The following NECAB2 variants were observed in gnomAD, a reference collection of about 807,000 sequenced individuals.
NECAB2 encodes N-terminal EF-hand calcium binding protein 2.
Under a neutral mutation model 51.9 loss-of-function variants are expected in NECAB2, and 68 were observed. That is an observed-to-expected ratio of 1.31 (90% CI 1.08 to 1.60). The LOEUF (loss-of-function observed/expected upper bound fraction) is 1.60. NECAB2 is among the 40% of genes most tolerant of loss of function. NECAB2 has a pLI of 0.00. For synonymous variants in NECAB2, 329 were observed against 203.5 expected, an observed-to-expected ratio of 1.62 and a Z score of -5.25; for missense variants, 854 against 490.3, an observed-to-expected ratio of 1.74 and a Z score of -7.00.
At chr16:83,991,823 T>TTC (rs1206667091) in intron 6 of NECAB2, among the ~76,000 whole-genome samples, 2 of 150,168 alleles carry the variant, frequency 1.3e-5, no homozygotes, top group African/African-American at 4.9e-5. Context: ...GCTATTTTTT[T>TTC]TTTTTTTTTT....
At chr16:84,001,653 G>T (rs1340252930) in intron 11 of NECAB2, among the ~76,000 whole-genome samples, 172 bp from the exon 12 acceptor site, 1 of 149,544 alleles carries the variant, frequency 6.7e-6, no homozygotes, top group East Asian at 1.9e-4. Flanking sequence ...GCCCACCCCA[G>T]AGTCAGCCTC....
intron 1 of NECAB2, chr16:83,971,685 G>A: frequency 5.6e-6 from 1 of 180,160 alleles, no homozygotes; most frequent in Non-Finnish European, 1.1e-5. Context: ...ACCAGGCCTT[G>A]CAAACACCTC....
Position 84,002,612 on chromosome 16 carries a change from G to A in NECAB2, c.*266G>A, listed in dbSNP as rs2084860926. ...CCAGCACCCCTGCCTCCTGGTCCTG[G>A]CCTCTCCCCTACCCCTCACATGGCC... On this transcript the variant is annotated 3_prime_UTR_variant, in exon 13 of 13. Coordinates refer to ENST00000305202, the MANE Select transcript of NECAB2 (RefSeq NM_019065.3). The A allele has an allele frequency of 3.5e-6, 2 of 572,400 alleles. No homozygotes were observed. Among genetic ancestry groups the A allele is most frequent in the East Asian group, 3.0e-5 (1 of 33,466 alleles). The allele number at this position is 572,400 out of a possible 1,614,324, so 35.5% of individuals were successfully genotyped here. A position where few individuals can be genotyped will look rare whatever the true frequency, so the allele number is the denominator to read the frequency against.
At chr16:83,993,931 AG>A (rs993796883) in intron 6 of NECAB2, among the ~76,000 whole-genome samples, 1 of 151,892 alleles carries the variant, frequency 6.6e-6, no homozygotes, top group African/African-American at 2.4e-5. Context: ...TGAGGGAGGG[AG>A]GGGGACTTGG....
chr16:83,986,051 T>C (rs1182195545), intron 5 of NECAB2, among the ~76,000 whole-genome samples: 1 of 152,236 alleles, frequency 6.6e-6, no homozygotes, highest in African/African-American at 2.4e-5. Context: ...AGTTTCTCTT[T>C]CGTTGCCCAG....
At chr16:83,972,261 G>A (rs979220301) in intron 2 of NECAB2, 86 bp downstream of exon 2, 14 of 1,590,462 alleles carry the variant, frequency 8.8e-6, no homozygotes, top group African/African-American at 2.7e-5. Context: ...GGAGACAAGC[G>A]CAACCTTGAA....
intron 2 of NECAB2, among the ~76,000 whole-genome samples, chr16:83,973,032 C>A (rs2084366210): frequency 6.6e-6 from 1 of 152,228 alleles, no homozygotes; most frequent in Admixed American, 6.5e-5. Context: ...TGCCTCCTTC[C>A]CTGGGTTTTG....
At chr16:83,991,514 C>A (rs7189341) in intron 6 of NECAB2, among the ~76,000 whole-genome samples, 4,763 of 150,872 alleles carry the variant, frequency 0.032, 245 homozygotes, top group African/African-American at 0.11. Context: ...TTACAGATGC[C>A]CACCAGCACA....
chr16:83,995,435 G>C (rs1053005323), intron 8 of NECAB2, among the ~76,000 whole-genome samples: 1 of 152,082 alleles, frequency 6.6e-6, no homozygotes, highest in Non-Finnish European at 1.5e-5. Context: ...TAGGGGTGTC[G>C]TTAGGATGAA....
At chr16:83,988,412 A>G (rs1462260994) in intron 5 of NECAB2, among the ~76,000 whole-genome samples, 1 of 152,204 alleles carries the variant, frequency 6.6e-6, no homozygotes, top group Admixed American at 6.5e-5. Flanking sequence ...TACTTAGCTA[A>G]TTAACACTTT....
intron 8 of NECAB2, among the ~76,000 whole-genome samples, chr16:83,995,806 C>T (rs2084690102): frequency 6.6e-6 from 1 of 152,194 alleles, no homozygotes; most frequent in South Asian, 2.1e-4. Context: ...TCCCCTCCTG[C>T]AGGGATGAGG....
At chr16:83,970,818 C>T (rs1320994049) in intron 1 of NECAB2, among the ~76,000 whole-genome samples, 2 of 152,140 alleles carry the variant, frequency 1.3e-5, no homozygotes, top group African/African-American at 4.8e-5. Context: ...GTGGGCAGGG[C>T]GCCGTGGCTC....
chr16:83,981,197 A>T, intron 5 of NECAB2, 70 bp downstream of exon 5: 2 of 1,427,142 alleles, frequency 1.4e-6, no homozygotes, highest in South Asian at 1.2e-5. Flanking sequence ...TTGCCTAAGG[A>T]TGCCTGGATT....
rs1246125058 is a variant in NECAB2 at position 83,997,492 on chromosome 16, T to A, written c.849+223T>A. Among the ~76,000 whole-genome samples, 20 of 139,026 alleles carry A rather than the reference T, an allele frequency of 1.4e-4. 1 individual carries two copies. The highest frequency in any genetic ancestry group is 5.4e-4 in the African/African-American group (20 of 37,306). The allele number at this position is 139,026 out of a possible 152,430, so 91.2% of individuals were successfully genotyped here. On this transcript the variant is annotated intron_variant, in intron 9 of 12. Transcript: ENST00000305202. ...GGCTCCCTGGACCTTTTTTTTTTTT[T>A]TTTTTTTTTTTTTGAGATGGAGTCT...
chr16:83,996,982 C>T (rs992887096), intron 8 of NECAB2, among the ~76,000 whole-genome samples: 2 of 150,756 alleles, frequency 1.3e-5, no homozygotes, highest in African/African-American at 5.0e-5. Context: ...GGACTCAGGC[C>T]TCTGGAGTCC....
In NECAB2 at chr16:83,971,928, C is replaced by G. The variant is rs1455605006; in HGVS notation, c.202-223C>G. 9.8e-6 allele frequency: 6 copies of G among 614,718 alleles called. No homozygotes were observed. In the East Asian group the frequency reaches 1.7e-4, roughly 17 times the overall value. 38.1% of individuals were successfully genotyped at this position (614,718 alleles called of 1,614,324 possible). On this transcript the variant is annotated intron_variant, in intron 1 of 12. Transcript: ENST00000305202. ...GCTGGGAGCAGGCTGGTGGTACTGG[C>G]AGCCGCTTCCACGTGGGTGAGGGGA...
chr16:83,989,866 AT>A (rs1425582011), intron 5 of NECAB2, among the ~76,000 whole-genome samples: 15 of 152,108 alleles, frequency 9.9e-5, no homozygotes, highest in African/African-American at 3.1e-4. Flanking sequence ...TCCCTCTCTG[AT>A]TTCCCCCCAG....
intron 2 of NECAB2, among the ~76,000 whole-genome samples, chr16:83,977,174 T>C (rs2084421672): frequency 6.6e-6 from 1 of 152,144 alleles, no homozygotes; most frequent in Admixed American, 6.5e-5. Context: ...TGAATGCAGA[T>C]CCTCTGGAAG....
At chr16:83,965,440 C>A, upstream of NECAB2, 1 of 1,593,938 alleles carries the variant, frequency 6.3e-7, no homozygotes, top group Non-Finnish European at 8.5e-7. Context: ...ACCCTGTCCT[C>A]ATCATTGGCG....
Sources: gnomAD v4.1 joint callset for allele counts (sites outside exome capture counted in the v4.1 genomes callset) on GRCh38, gnomAD v4.1.1 for gene constraint, MANE v1.5 for transcripts, NCBI Gene and HGNC (gene_info 2026-07-23, HGNC 2026-07-21) for gene names.